Variants in FYN observed in about 807,000 individuals in gnomAD.
FYN encodes tyrosine-protein kinase Fyn.
FYN carries 10 observed loss-of-function variants against 70.2 expected under a neutral mutation model. That is an observed-to-expected ratio of 0.14 (90% CI 0.09 to 0.24). The LOEUF (loss-of-function observed/expected upper bound fraction) is 0.24. Ranked by LOEUF, FYN falls within the 10% of genes least tolerant of loss-of-function variation. The pLI is 1.00. For missense variants in FYN, 319 were observed against 673.1 expected (o/e 0.47, Z 5.82); for synonymous variants, 236 against 248.6 (o/e 0.95, Z 0.48).
intron 1 of FYN, among the ~76,000 whole-genome samples, chr6:111,871,760 G>C (rs1476713236): frequency 6.6e-6 from 1 of 152,212 alleles, no homozygotes; most frequent in Non-Finnish European, 1.5e-5. Flanking sequence ...AGAACGAGGG[G>C]ATGGGGAGGC....
At chr6:111,847,606 T>A (rs1239802120) in intron 1 of FYN, among the ~76,000 whole-genome samples, 1 of 152,108 alleles carries the variant, frequency 6.6e-6, no homozygotes, top group East Asian at 1.9e-4. Context: ...TTCTTCCTGA[T>A]CCACGATTTA....
chr6:111,855,894 T>A (rs983744954), intron 1 of FYN, among the ~76,000 whole-genome samples: 1 of 152,248 alleles, frequency 6.6e-6, no homozygotes, highest in African/African-American at 2.4e-5. Flanking sequence ...CATTGCATGA[T>A]GAGAACTCAG....
intron 3 of FYN, among the ~76,000 whole-genome samples, chr6:111,728,803 C>A (rs1391426851): frequency 6.6e-6 from 1 of 152,152 alleles, no homozygotes; most frequent in East Asian, 1.9e-4. Context: ...CTGCAACAAA[C>A]ATTCATGCTC....
chr6:111,704,133 T>C, intron 6 of FYN, 31 bp from the exon 7 acceptor site: 1 of 1,580,994 alleles, frequency 6.3e-7, no homozygotes, highest in Non-Finnish European at 8.7e-7. Flanking sequence ...AGAAAATATT[T>C]TGAAATAGTC....
At chr6:111,680,464 C>A (rs1254766171) in intron 12 of FYN, among the ~76,000 whole-genome samples, 1 of 152,254 alleles carries the variant, frequency 6.6e-6, no homozygotes, top group Admixed American at 6.5e-5. Context: ...CTAAGCGCAA[C>A]AGAAAGTCAC....
chr6:111,846,443 C>G, intron 2 of FYN, 146 bp downstream of exon 2: 1 of 397,384 alleles, frequency 2.5e-6, no homozygotes, highest in East Asian at 3.6e-5. Flanking sequence ...CAAACCAGTT[C>G]CTTCTCCAAC....
chr6:111,706,216 G>A (rs1479332934), intron 6 of FYN, among the ~76,000 whole-genome samples: 1 of 152,188 alleles, frequency 6.6e-6, no homozygotes, highest in African/African-American at 2.4e-5. Flanking sequence ...AGCACTAGGT[G>A]CTGAATGAGC....
intron 3 of FYN, among the ~76,000 whole-genome samples, chr6:111,745,050 G>A (rs114188383): frequency 1.3e-5 from 2 of 152,104 alleles, no homozygotes; most frequent in African/African-American, 4.8e-5. Flanking sequence ...CAACATTCTG[G>A]TTCTTATTTG....
At chr6:111,872,055 A>G (rs1046713791) in intron 1 of FYN, among the ~76,000 whole-genome samples, 6 of 152,166 alleles carry the variant, frequency 3.9e-5, no homozygotes, top group African/African-American at 1.4e-4. Flanking sequence ...ATGCACTGAA[A>G]GGGCTCTTTG....
chr6:111,716,894 C>T (rs1245510402), intron 4 of FYN, among the ~76,000 whole-genome samples: 3 of 151,436 alleles, frequency 2.0e-5, no homozygotes, highest in Non-Finnish European at 4.4e-5. Flanking sequence ...AAGTGATTCT[C>T]CTGCCTCAGC....
chr6:111,819,392 A>G lies in FYN; in HGVS notation c.-82+27197T>C, dbSNP rs562471322. 1.1e-4 allele frequency among the ~76,000 whole-genome samples: 17 copies of G among 152,340 alleles called. No homozygotes were observed. In the South Asian group the frequency reaches 3.3e-3, roughly 30 times the overall value. ...TCCTTTTCTGTTCCTTGCTGAAGTCATTCAAATTCTTATTCCAACATTTAA... is the reference window on the plus strand; with the variant it reads ...TCCTTTTCTGTTCCTTGCTGAAGTCGTTCAAATTCTTATTCCAACATTTAA... On this transcript the variant is annotated intron_variant, in intron 2 of 13. Coordinates refer to ENST00000354650, the MANE Select transcript of FYN (RefSeq NM_002037.5).
chr6:111,683,156 C>T (rs972872421), intron 12 of FYN, among the ~76,000 whole-genome samples: 3 of 152,226 alleles, frequency 2.0e-5, no homozygotes, highest in Non-Finnish European at 2.9e-5. Flanking sequence ...GCCAGGGAGA[C>T]AGACTTCACG....
At position 111,873,165 on chromosome 6, in the gene FYN, GGTGCGGCGCGGGCGGCGGCTTTGT is replaced by G. The variant is rs1424636082; in HGVS notation, c.-344_-321del. On this transcript the variant is annotated 5_prime_UTR_variant, in exon 1 of 14. Transcript: ENST00000354650. ...CTGGCGCGGGCGGCGGCCGCCGGGCGGTGCGGCGCGGGCGGCGGCTTTGTGTGCGCCCGGGCGGTCCTCGGTGCG... is the reference window on the plus strand; with the variant it reads ...CTGGCGCGGGCGGCGGCCGCCGGGCGGTGCGCCCGGGCGGTCCTCGGTGCG... 5 of 145,182 alleles carry G rather than the reference GGTGCGGCGCGGGCGGCGGCTTTGT, an allele frequency of 3.4e-5. No homozygotes were observed. The highest frequency in any genetic ancestry group is 1.0e-4 in the African/African-American group (4 of 39,980). 9.0% of individuals were successfully genotyped at this position (145,182 alleles called of 1,614,324 possible).
chr6:111,761,016 C>T (rs2128493815), intron 3 of FYN, among the ~76,000 whole-genome samples: 1 of 152,324 alleles, frequency 6.6e-6, no homozygotes, highest in African/African-American at 2.4e-5. Flanking sequence ...TCTTGGAGAG[C>T]AGGCAGTTCA....
At position 111,873,331 on chromosome 6, in the gene FYN, C is replaced by T. The variant is rs536268571; in HGVS notation, c.-486G>A. On this transcript the variant is annotated 5_prime_UTR_variant, in exon 1 of 14. Transcript: ENST00000354650. ...CTCGAAGGCCTTCGGCTCGCGGCGA[C>T]CCCTCCTCCTCGCCCGCGGCAGCCC... 1 of 150,512 alleles carries T rather than the reference C, an allele frequency of 6.6e-6. No homozygotes were observed. Among genetic ancestry groups the T allele is most frequent in the Non-Finnish European group, 1.5e-5 (1 of 66,980 alleles). The allele number at this position is 150,512 out of a possible 1,614,324, so 9.3% of individuals were successfully genotyped here. A position where few individuals can be genotyped will look rare whatever the true frequency, so the allele number is the denominator to read the frequency against.
rs78508820 is a variant in FYN at position 111,825,951 on chromosome 6, T to C, written c.-82+20638A>G. Reference sequence around the variant, plus strand: ...TGACTCATATCATTCTGACACTGGATTGGGTGGGTCTGGATACATTAAGAG... The same window carrying C: ...TGACTCATATCATTCTGACACTGGACTGGGTGGGTCTGGATACATTAAGAG... On this transcript the variant is annotated intron_variant, in intron 2 of 13. Coordinates refer to ENST00000354650, the MANE Select transcript of FYN (RefSeq NM_002037.5). Among the ~76,000 whole-genome samples the C allele has an allele frequency of 9.5e-3, 1,450 of 152,282 alleles. 25 individuals are homozygous for C. Among genetic ancestry groups the C allele is most frequent in the African/African-American group, 0.033 (1,363 of 41,554 alleles).
intron 3 of FYN, among the ~76,000 whole-genome samples, chr6:111,771,105 T>C (rs926557478): frequency 6.6e-6 from 1 of 152,028 alleles, no homozygotes; most frequent in African/African-American, 2.4e-5. Flanking sequence ...ATAATTCTGG[T>C]AAAAACAAGT....
chr6:111,869,127 T>C (rs1157134725), intron 1 of FYN, among the ~76,000 whole-genome samples: 1 of 152,240 alleles, frequency 6.6e-6, no homozygotes, highest in African/African-American at 2.4e-5. Flanking sequence ...TCCAACAATT[T>C]GGAAGCCTGT....
chr6:111,809,687 T>C (rs1234512376), intron 2 of FYN, among the ~76,000 whole-genome samples: 1 of 152,242 alleles, frequency 6.6e-6, no homozygotes, highest in Non-Finnish European at 1.5e-5. Context: ...GGCCTTAGGC[T>C]CGGAGCCTTC....
Sources: gnomAD v4.1 joint callset for allele counts (sites outside exome capture counted in the v4.1 genomes callset) on GRCh38, gnomAD v4.1.1 for gene constraint, MANE v1.5 for transcripts, NCBI Gene and HGNC (gene_info 2026-07-23, HGNC 2026-07-21) for gene names.